PDE4D: variants seen among roughly 807,000 people sequenced by gnomAD.
The protein encoded by PDE4D is 3',5'-cyclic-AMP phosphodiesterase 4D.
In PDE4D, 24 loss-of-function variants were observed where a neutral mutation model predicts 87.4. The observed-to-expected ratio is 0.27, with a 90% confidence interval of 0.20 to 0.39. PDE4D has a LOEUF of 0.39. PDE4D is among the 10% of genes least tolerant of loss of function. The pLI, the probability that PDE4D is intolerant of heterozygous loss-of-function variation, is 1.00. For missense variants in PDE4D, 714 were observed against 1,041.0 expected (o/e 0.69, Z 4.32); for synonymous variants, 384 against 383.2 (o/e 1.00, Z -0.02).
chr5:60,177,895 T>A (rs546487867), intron 2 of PDE4D, among the ~76,000 whole-genome samples: 33 of 152,304 alleles, frequency 2.2e-4, no homozygotes, highest in Admixed American at 5.9e-4. Flanking sequence ...AATGAAAGTA[T>A]ACAACTTTAG....
intron 1 of PDE4D, among the ~76,000 whole-genome samples, chr5:59,291,495 A>G (rs971140029): frequency 1.3e-5 from 2 of 152,050 alleles, no homozygotes; most frequent in African/African-American, 4.8e-5. Context: ...GATAGAATCA[A>G]TAAGAGCTAA....
rs1042777154 is a variant in PDE4D, at chr5:60,413,967, G to A, written c.-90+73975C>T. On this transcript the variant is annotated intron_variant, in intron 1 of 16. Coordinates refer to the PDE4D transcript ENST00000502484. ...CAGTTCTAAAATAGAAAACAGAACC[G>A]ATGCCCTATGTCTTACAATTAATTG... Among the ~76,000 whole-genome samples, 16 of 152,248 alleles carry A rather than the reference G, an allele frequency of 1.1e-4. No individual in the cohort carries two copies. The East Asian group carries it at 2.3e-3, about 22-fold the overall frequency.
intron 2 of PDE4D, among the ~76,000 whole-genome samples, chr5:60,090,714 A>G (rs1775034024): frequency 6.6e-6 from 1 of 152,206 alleles, no homozygotes; most frequent in Non-Finnish European, 1.5e-5. Context: ...GTGCATCTAA[A>G]TTGGAAAAGA....
At chr5:60,342,015 A>C (rs936654862) in intron 1 of PDE4D, among the ~76,000 whole-genome samples, 1 of 152,238 alleles carries the variant, frequency 6.6e-6, no homozygotes. Context: ...GTTTCAAACT[A>C]TAAAATGTTT....
At chr5:59,065,065 T>TACAC (rs1763697337) in intron 5 of PDE4D, among the ~76,000 whole-genome samples, 1 of 10,496 alleles carries the variant, frequency 9.5e-5, no homozygotes, top group Admixed American at 1.5e-3. Context: ...GTGATATATA[T>TACAC]ATACACACAC....
chr5:59,149,820 A>G (rs1022962084), intron 5 of PDE4D, among the ~76,000 whole-genome samples: 9 of 149,110 alleles, frequency 6.0e-5, no homozygotes, highest in East Asian at 4.0e-4. Context: ...TAGGCCTTGC[A>G]AAGGAACAAC....
chr5:59,474,095 T>A (rs1172693049), intron 1 of PDE4D, among the ~76,000 whole-genome samples: 1 of 152,142 alleles, frequency 6.6e-6, no homozygotes, highest in African/African-American at 2.4e-5. Flanking sequence ...TTAACTAAAA[T>A]CACGGTGTGT....
At chr5:59,527,996 A>G (rs1813472772) in intron 1 of PDE4D, among the ~76,000 whole-genome samples, 1 of 152,200 alleles carries the variant, frequency 6.6e-6, no homozygotes. Flanking sequence ...TTAGTTGACC[A>G]TCAGCCATCA....
intron 1 of PDE4D, among the ~76,000 whole-genome samples, chr5:60,286,219 AG>A (rs1157469572): frequency 6.6e-6 from 1 of 152,204 alleles, no homozygotes; most frequent in Non-Finnish European, 1.5e-5. Flanking sequence ...CTGTTTCCTT[AG>A]TGAGAGAGAA....
intron 2 of PDE4D, among the ~76,000 whole-genome samples, chr5:60,167,307 G>A (rs1199373725): frequency 8.5e-6 from 1 of 117,092 alleles, no homozygotes; most frequent in Non-Finnish European, 1.6e-5. Context: ...TCTCGCTGTC[G>A]CCCAGGCTGG....
At chr5:60,205,710 AC>A (rs1301964586) in intron 1 of PDE4D, among the ~76,000 whole-genome samples, 6 of 142,108 alleles carry the variant, frequency 4.2e-5, no homozygotes, top group Non-Finnish European at 7.6e-5. Context: ...ATATGGTGAA[AC>A]CCCGTCTCTA....
intron 1 of PDE4D, among the ~76,000 whole-genome samples, chr5:60,321,021 T>G (rs533437411): frequency 6.6e-6 from 1 of 152,274 alleles, no homozygotes; most frequent in East Asian, 1.9e-4. Flanking sequence ...AAACTACCAA[T>G]GACATTTTCC....
intron 1 of PDE4D, among the ~76,000 whole-genome samples, chr5:59,505,643 C>G (rs74417723): frequency 0.011 from 1,606 of 152,266 alleles, 25 homozygotes; most frequent in African/African-American, 0.037. Flanking sequence ...TGCCATTTTA[C>G]TATTGGAAAC....
At chr5:59,860,647 C>T (rs563657510) in intron 1 of PDE4D, among the ~76,000 whole-genome samples, 1 of 152,146 alleles carries the variant, frequency 6.6e-6, no homozygotes, top group Non-Finnish European at 1.5e-5. Flanking sequence ...CTGAGAATCA[C>T]ATTTAACTGG....
chr5:60,251,908 G>A (rs1748511508), intron 1 of PDE4D, among the ~76,000 whole-genome samples: 1 of 151,910 alleles, frequency 6.6e-6, no homozygotes, highest in Non-Finnish European at 1.5e-5. Context: ...TTCATTCATG[G>A]TAAGTGTCCT....
At chr5:60,493,584 TC>T (rs1749651151) in intron 1 of PDE4D, among the ~76,000 whole-genome samples, 1 of 10,908 alleles carries the variant, frequency 9.2e-5, no homozygotes, top group Admixed American at 1.6e-3. Flanking sequence ...CTATACACAA[TC>T]ATTCATTCAT....
chr5:58,976,540 A>C lies in PDE4D; in HGVS notation c.1708-68T>G, dbSNP rs566509462. On this transcript the variant is annotated intron_variant, in intron 12 of 14. Transcript: ENST00000340635. ...TTTACACATGAAAATATTACGCAGA[A>C]TATAAGAATGAAAAAGGAATAAAAC... 9 of 1,226,592 alleles carry C rather than the reference A, an allele frequency of 7.3e-6. No homozygotes were observed. In the East Asian group the frequency reaches 2.3e-4, roughly 31 times the overall value. 76.0% of individuals were successfully genotyped at this position (1,226,592 alleles called of 1,614,324 possible). A position where few individuals can be genotyped will look rare whatever the true frequency, so the allele number is the denominator to read the frequency against.
intron 1 of PDE4D, chr5:60,460,479 C>T: frequency 6.5e-7 from 1 of 1,531,866 alleles, no homozygotes; most frequent in Admixed American, 1.7e-5. Context: ...TTTTGGCGAT[C>T]AATTCTGACA....
At chr5:59,552,303 T>G (rs1019697098) in intron 1 of PDE4D, among the ~76,000 whole-genome samples, 5 of 152,212 alleles carry the variant, frequency 3.3e-5, no homozygotes, top group African/African-American at 1.2e-4. Context: ...TTATATGTAA[T>G]TTTGTATTTG....
Sources: allele counts gnomAD v4.1 joint callset (sites outside exome capture counted in the v4.1 genomes callset), GRCh38; gene constraint gnomAD v4.1.1; transcripts MANE v1.5; gene names NCBI Gene and HGNC (gene_info 2026-07-23, HGNC 2026-07-21).